The following MDGA2 variants were observed in gnomAD, a reference collection of about 807,000 sequenced individuals.
MDGA2 encodes the protein MAM domain-containing glycosylphosphatidylinositol anchor protein 2.
In MDGA2, 40 loss-of-function variants were observed where a neutral mutation model predicts 117.8. The observed-to-expected ratio is 0.34, with a 90% CI of 0.26 to 0.44. The LOEUF is 0.44. MDGA2 is among the 20% of genes least tolerant of loss of function. The pLI is 1.00. For missense variants in MDGA2, 1,123 were observed against 1,250.6 expected (o/e 0.90, Z 1.54); for synonymous variants, 452 against 439.0 (o/e 1.03, Z -0.37).
chr14:46,915,666 T>A (rs1002722554), intron 10 of MDGA2, among the ~76,000 whole-genome samples: 7 of 152,138 alleles, frequency 4.6e-5, no homozygotes, highest in African/African-American at 1.7e-4. Flanking sequence ...ACCTTGAAGT[T>A]CAGCAGTCCC....
At chr14:47,341,427 CTATT>C (rs1345413986) in intron 1 of MDGA2, among the ~76,000 whole-genome samples, 2 of 152,086 alleles carry the variant, frequency 1.3e-5, no homozygotes, top group African/African-American at 4.8e-5. Context: ...AAAATGAAAA[CTATT>C]TAAAGTGTAA....
At chr14:47,598,382 G>C (rs1896586065) in intron 1 of MDGA2, among the ~76,000 whole-genome samples, 1 of 152,154 alleles carries the variant, frequency 6.6e-6, no homozygotes, top group Admixed American at 6.6e-5. Flanking sequence ...ACTGGTGTTT[G>C]TAGCTGCATT....
At chr14:47,052,004 T>C (rs1889476105) in intron 7 of MDGA2, among the ~76,000 whole-genome samples, 1 of 151,878 alleles carries the variant, frequency 6.6e-6, no homozygotes, top group African/African-American at 2.4e-5. Context: ...GTACATTCCA[T>C]TGTTAACTAT....
intron 1 of MDGA2, among the ~76,000 whole-genome samples, chr14:47,530,973 T>G (rs890420079): frequency 2.0e-5 from 3 of 152,134 alleles, no homozygotes; most frequent in African/African-American, 7.2e-5. Flanking sequence ...TAAAAACACC[T>G]AGGAGCTCAT....
Position 47,598,899 on chromosome 14 carries a change from T to C in MDGA2, c.280+75618A>G, listed in dbSNP as rs189698902. ...CCACCTAAATAAGGTTCAAAGACTTTCTCCACAGAAACAATAATTAGGAGA... is the reference window on the plus strand; with the variant it reads ...CCACCTAAATAAGGTTCAAAGACTTCCTCCACAGAAACAATAATTAGGAGA... On this transcript the variant is annotated intron_variant, in intron 1 of 16. Transcript: ENST00000399232. 2.1e-4 allele frequency among the ~76,000 whole-genome samples: 32 copies of C among 152,246 alleles called. No individual in the cohort carries two copies. The East Asian group carries it at 6.2e-3, about 29-fold the overall frequency.
At chr14:47,275,746 GT>G (rs371741894) in intron 2 of MDGA2, among the ~76,000 whole-genome samples, 1 of 152,030 alleles carries the variant, frequency 6.6e-6, no homozygotes, top group Non-Finnish European at 1.5e-5. Flanking sequence ...GTTTTGCTTA[GT>G]TTTTTTAGAG....
rs529889584 is a variant in MDGA2, at chr14:47,222,073, C to T, written c.421-3878G>A. Reference sequence around the variant, plus strand: ...ATACAGTAAGATACAACACTTATATCAGTCATAGACTAGATGTGAATAGAT... The same window carrying T: ...ATACAGTAAGATACAACACTTATATTAGTCATAGACTAGATGTGAATAGAT... On this transcript the variant is annotated intron_variant, in intron 2 of 16. Coordinates refer to ENST00000399232, the MANE Select transcript of MDGA2 (RefSeq NM_001113498.3). Among the ~76,000 whole-genome samples the T allele has an allele frequency of 1.7e-3, 252 of 152,014 alleles. 1 individual carries two copies. Among genetic ancestry groups the T allele is most frequent in the Non-Finnish European group, 9.7e-4 (66 of 67,976 alleles).
chr14:46,875,396 T>C (rs1247511313), intron 12 of MDGA2, among the ~76,000 whole-genome samples: 2 of 151,804 alleles, frequency 1.3e-5, no homozygotes, highest in African/African-American at 2.4e-5. Context: ...TTTTTGTTTT[T>C]TAGACGAAAC....
At chr14:46,870,588 G>C (rs1428833436) in intron 14 of MDGA2, among the ~76,000 whole-genome samples, 1 of 151,928 alleles carries the variant, frequency 6.6e-6, no homozygotes, top group Non-Finnish European at 1.5e-5. Context: ...CATGCCTGCA[G>C]CTTGCTGAGA....
chr14:47,156,623 G>C (rs1883400230), intron 3 of MDGA2, among the ~76,000 whole-genome samples: 1 of 152,114 alleles, frequency 6.6e-6, no homozygotes, highest in African/African-American at 2.4e-5. Flanking sequence ...TTTTCCACAG[G>C]AGTTTATTCC....
At chr14:47,642,451 C>T (rs557674017) in intron 1 of MDGA2, among the ~76,000 whole-genome samples, 2 of 152,120 alleles carry the variant, frequency 1.3e-5, no homozygotes, top group East Asian at 3.9e-4. Flanking sequence ...ATTGACCATT[C>T]CAAAAGAGGG....
chr14:47,240,948 T>C (rs560144098), intron 2 of MDGA2, among the ~76,000 whole-genome samples: 1 of 152,012 alleles, frequency 6.6e-6, no homozygotes, highest in East Asian at 1.9e-4. Context: ...GGAAATGTTA[T>C]GCATACCATC....
chr14:47,663,266 A>G (rs1202471173), intron 1 of MDGA2, among the ~76,000 whole-genome samples: 1 of 152,234 alleles, frequency 6.6e-6, no homozygotes, highest in East Asian at 1.9e-4. Context: ...TGATTTGTTT[A>G]GCAAAGTCAA....
intron 3 of MDGA2, among the ~76,000 whole-genome samples, chr14:47,205,218 C>T (rs1469320265): frequency 2.0e-5 from 3 of 151,936 alleles, no homozygotes; most frequent in African/African-American, 7.2e-5. Context: ...CTCACCTAGA[C>T]TTGCTAAGTC....
Position 46,916,105 on chromosome 14 carries a change from C to T in MDGA2, c.2238+3907G>A, listed in dbSNP as rs190836177. 4.3e-4 allele frequency among the ~76,000 whole-genome samples: 65 copies of T among 152,308 alleles called. 2 individuals carry two copies. The South Asian group carries it at 8.7e-3, about 20-fold the overall frequency. On this transcript the variant is annotated intron_variant, in intron 10 of 16. Transcript: ENST00000399232. ...GTGGTGGGACCCAGACATTAGCCCA[C>T]ATGTAACACTCCCCAGGTGATTCCA...
chr14:47,161,927 C>CTTTTTTTTTTT (rs71112489), intron 3 of MDGA2, among the ~76,000 whole-genome samples: 4 of 52,470 alleles, frequency 7.6e-5, no homozygotes, highest in Non-Finnish European at 1.4e-4. Flanking sequence ...TCCCCAGATC[C>CTTTTTTTTTTT]TTTTTTTTTT....
chr14:47,243,126 A>G (rs1221397351), intron 2 of MDGA2, among the ~76,000 whole-genome samples: 1 of 151,704 alleles, frequency 6.6e-6, no homozygotes, highest in Non-Finnish European at 1.5e-5. Flanking sequence ...AAACACACCA[A>G]TCAGCACCCT....
chr14:47,246,923 AAGATTCCCC>A (rs2139626110), intron 2 of MDGA2, among the ~76,000 whole-genome samples: 1 of 151,660 alleles, frequency 6.6e-6, no homozygotes, highest in African/African-American at 2.4e-5. Context: ...GGAGAATAGG[AAGATTCCCC>A]ATAATCTATC....
intron 4 of MDGA2, 111 bp from the exon 5 acceptor site, chr14:47,131,957 G>T: frequency 1.2e-6 from 1 of 847,582 alleles, no homozygotes; most frequent in Non-Finnish European, 1.6e-6. Flanking sequence ...ATCAGAATAT[G>T]ACAGACTGTC....
Sources: allele counts gnomAD v4.1 joint callset (sites outside exome capture counted in the v4.1 genomes callset), GRCh38; gene constraint gnomAD v4.1.1; transcripts MANE v1.5; gene names NCBI Gene and HGNC (gene_info 2026-07-23, HGNC 2026-07-21).